The following TMEM233 variants were observed in gnomAD, a reference collection of about 807,000 sequenced individuals.
TMEM233 encodes transmembrane protein 233, also known as dispanin subfamily B member 2.
In TMEM233, 6 loss-of-function variants were observed where a neutral mutation model predicts 11.2. The observed-to-expected ratio is 0.54, with a 90% CI of 0.29 to 1.06. TMEM233 has a LOEUF of 1.06. Among genes scored for constraint, TMEM233 ranks in the 50% least tolerant of loss-of-function variants. The pLI, the probability that TMEM233 is intolerant of heterozygous loss-of-function variation, is 0.08. For synonymous variants in TMEM233, 59 were observed against 55.8 expected (o/e 1.06, Z -0.26); for missense variants, 127 against 144.7 (o/e 0.88, Z 0.63).
intron 1 of TMEM233, among the ~76,000 whole-genome samples, chr12:119,610,441 G>A (rs532358216): frequency 2.0e-5 from 3 of 152,288 alleles, no homozygotes; most frequent in South Asian, 2.1e-4. Flanking sequence ...TGAGATTTGG[G>A]AGGGGCCATG....
At chr12:119,640,518 A>G (rs1023227189) in intron 2 of TMEM233, among the ~76,000 whole-genome samples, 181 bp from the exon 3 acceptor site, 1 of 152,192 alleles carries the variant, frequency 6.6e-6, no homozygotes, top group African/African-American at 2.4e-5. Flanking sequence ...TACAAATAGA[A>G]TATGTTTCTC....
intron 1 of TMEM233, among the ~76,000 whole-genome samples, chr12:119,621,662 A>T (rs1954647170): frequency 6.6e-6 from 1 of 152,232 alleles, no homozygotes; most frequent in Admixed American, 6.5e-5. Flanking sequence ...CCTAGCTCAT[A>T]GTGTTGTGAG....
intron 1 of TMEM233, among the ~76,000 whole-genome samples, chr12:119,607,906 T>C (rs2136696372): frequency 6.6e-6 from 1 of 152,320 alleles, no homozygotes; most frequent in African/African-American, 2.4e-5. Flanking sequence ...TGCATTCTTA[T>C]CCACCCCAAA....
At chr12:119,601,629 G>C (rs1201737449) in intron 1 of TMEM233, among the ~76,000 whole-genome samples, 1 of 140,040 alleles carries the variant, frequency 7.1e-6, no homozygotes, top group South Asian at 2.2e-4. Context: ...CTGCACTCCA[G>C]CCTGGGCGAC....
At chr12:119,631,812 G>C (rs1954893025) in intron 2 of TMEM233, 1 of 223,076 alleles carries the variant, frequency 4.5e-6, no homozygotes. Flanking sequence ...AATAATAGTA[G>C]TACCCATTTC....
chr12:119,597,358 C>A (rs1194863106), intron 1 of TMEM233, among the ~76,000 whole-genome samples: 1 of 152,080 alleles, frequency 6.6e-6, no homozygotes, highest in Non-Finnish European at 1.5e-5. Flanking sequence ...GGCACATTCC[C>A]AATACCAAGA....
intron 2 of TMEM233, among the ~76,000 whole-genome samples, chr12:119,634,671 T>C (rs1318397964): frequency 2.0e-5 from 3 of 152,118 alleles, no homozygotes; most frequent in African/African-American, 4.8e-5. Flanking sequence ...CTTTTAAAAA[T>C]TGTAAATTCC....
At chr12:119,602,236 G>A (rs1954183285) in intron 1 of TMEM233, among the ~76,000 whole-genome samples, 1 of 152,194 alleles carries the variant, frequency 6.6e-6, no homozygotes, top group South Asian at 2.1e-4. Flanking sequence ...ACTTCAGCTA[G>A]GTGTAGGGAG....
intron 2 of TMEM233, among the ~76,000 whole-genome samples, chr12:119,639,388 C>T (rs1955034658): frequency 1.3e-5 from 2 of 151,584 alleles, no homozygotes; most frequent in African/African-American, 2.4e-5. Context: ...GAGGCTGAGG[C>T]GGGTGGATCA....
chr12:119,619,943 C>T (rs911145484), intron 1 of TMEM233, among the ~76,000 whole-genome samples: 3 of 151,988 alleles, frequency 2.0e-5, no homozygotes, highest in East Asian at 1.9e-4. Flanking sequence ...AAACACAAAC[C>T]GACAGAAAAC....
Position 119,629,720 on chromosome 12 carries a change from C to T in TMEM233, c.187-16C>T. 13 of 1,546,298 alleles carry T rather than the reference C, an allele frequency of 8.4e-6. No homozygotes were observed. In the South Asian group the frequency reaches 1.1e-4, roughly 13 times the overall value. ...GGGTTATCTGTCATCACCAGCTCTT[C>T]CCTTCTGTCCCCCAGTCTCTGAACA... On this transcript the variant is annotated splice_polypyrimidine_tract_variant and intron_variant, in intron 1 of 2. Transcript: ENST00000426426.
chr12:119,609,718 G>C (rs1174005220), intron 1 of TMEM233, among the ~76,000 whole-genome samples: 1 of 152,226 alleles, frequency 6.6e-6, no homozygotes, highest in African/African-American at 2.4e-5. Context: ...CTGGGTCTGA[G>C]GGTGCACAGA....
At chr12:119,639,059 C>T (rs1955028098) in intron 2 of TMEM233, among the ~76,000 whole-genome samples, 2 of 152,090 alleles carry the variant, frequency 1.3e-5, no homozygotes, top group African/African-American at 2.4e-5. Context: ...ATATTCCTGC[C>T]TCAGGGCCTC....
At chr12:119,652,918 A>G in the TMEM233 span, among the ~76,000 whole-genome samples, 3 of 152,208 alleles carry the variant, frequency 2.0e-5, no homozygotes, top group African/African-American at 7.2e-5. Flanking sequence ...AAGAACTAGT[A>G]TGTAGAAGGC....
chr12:119,594,038 A>C lies in TMEM233; in HGVS notation c.186+4A>C. On this transcript the variant is annotated splice_donor_region_variant and intron_variant, in intron 1 of 2. Coordinates refer to ENST00000426426, the MANE Select transcript of TMEM233 (RefSeq NM_001136534.3). This position sits in a 1 kb window ranked among gnomAD's most constrained non-coding sequence, Gnocchi z 5.6. ...GGCTTTGGTCTTTTCCATCATGGTGAGTGAATCACGGCCAGAGGCAGCCTG... is the reference window on the plus strand; with the variant it reads ...GGCTTTGGTCTTTTCCATCATGGTGCGTGAATCACGGCCAGAGGCAGCCTG... 1 of 1,551,286 alleles carries C rather than the reference A, an allele frequency of 6.4e-7. No individual in the cohort carries two copies. The highest frequency in any genetic ancestry group is 8.7e-7 in the Non-Finnish European group (1 of 1,146,792).
At chr12:119,598,914 G>A (rs948719246) in intron 1 of TMEM233, among the ~76,000 whole-genome samples, 5 of 152,162 alleles carry the variant, frequency 3.3e-5, no homozygotes, top group African/African-American at 1.2e-4. Flanking sequence ...AATTCAATAA[G>A]TATTGATGTT....
intron 1 of TMEM233, among the ~76,000 whole-genome samples, chr12:119,616,708 T>C (rs1388404682): frequency 1.3e-5 from 2 of 152,188 alleles, no homozygotes; most frequent in Non-Finnish European, 2.9e-5. Flanking sequence ...CAATCTTGAA[T>C]TGTAGCTCCC....
chr12:119,618,465 G>A (rs1044948705), intron 1 of TMEM233, among the ~76,000 whole-genome samples: 3 of 152,172 alleles, frequency 2.0e-5, no homozygotes, highest in African/African-American at 4.8e-5. Context: ...AAAGCCACAG[G>A]CACTCAATGC....
At chr12:119,612,016 C>T (rs928734801) in intron 1 of TMEM233, among the ~76,000 whole-genome samples, 9 of 151,172 alleles carry the variant, frequency 6.0e-5, no homozygotes, top group African/African-American at 2.2e-4. Flanking sequence ...TTTTCTGAGA[C>T]AGAGTCTCGC....
Sources: gnomAD v4.1 joint callset for allele counts (sites outside exome capture counted in the v4.1 genomes callset) on GRCh38, gnomAD v4.1.1 for gene constraint, Gnocchi (gnomAD v3.1) non-coding constraint, MANE v1.5 for transcripts, NCBI Gene and HGNC (gene_info 2026-07-23, HGNC 2026-07-21) for gene names.